The following SPMIP4 variants were observed in gnomAD, a reference collection of about 807,000 sequenced individuals.
The protein encoded by SPMIP4 is sperm microtubule inner protein 4.
chr7:25,136,671 A>C, the SPMIP4 span: 4 of 1,614,060 alleles, frequency 2.5e-6, no homozygotes, highest in Non-Finnish European at 3.4e-6. The surrounding 1 kb of genome is among the most constrained non-coding windows in gnomAD (Gnocchi z 5.7). Context: ...TAGGAGTACA[A>C]TCTGGACAGG....
the SPMIP4 span, among the ~76,000 whole-genome samples, chr7:25,152,547 A>G: frequency 6.6e-6 from 1 of 152,188 alleles, no homozygotes; most frequent in Non-Finnish European, 1.5e-5. Flanking sequence ...TTTAGTGAAT[A>G]AAGAAATTGA....
At chr7:25,126,301 C>G in the SPMIP4 span, among the ~76,000 whole-genome samples, 2 of 152,258 alleles carry the variant, frequency 1.3e-5, no homozygotes, top group East Asian at 3.9e-4. Flanking sequence ...TCTCAGCCCC[C>G]CAAGTAGCTG....
At chr7:25,129,127 T>G in the SPMIP4 span, among the ~76,000 whole-genome samples, 2 of 152,362 alleles carry the variant, frequency 1.3e-5, no homozygotes, top group Admixed American at 6.5e-5. Flanking sequence ...AAGCATTCCC[T>G]TGGCCTCCCT....
At chr7:25,171,059 G>A in the SPMIP4 span, among the ~76,000 whole-genome samples, 1 of 152,156 alleles carries the variant, frequency 6.6e-6, no homozygotes, top group African/African-American at 2.4e-5. Context: ...GTTTTAAGAA[G>A]CCCTCCAGGT....
the SPMIP4 span, chr7:25,136,129 G>A: frequency 6.2e-7 from 1 of 1,614,164 alleles, no homozygotes; most frequent in Non-Finnish European, 8.5e-7. This position sits in a 1 kb window ranked among gnomAD's most constrained non-coding sequence, Gnocchi z 5.7. Context: ...CAGCAGGTTG[G>A]TCTGAGGTTT....
chr7:25,136,353 A>G, the SPMIP4 span: 2 of 1,614,104 alleles, frequency 1.2e-6, no homozygotes, highest in Non-Finnish European at 1.7e-6. The surrounding 1 kb of genome is among the most constrained non-coding windows in gnomAD (Gnocchi z 5.7). Flanking sequence ...TAAGATTTTC[A>G]TAGTGAATCC....
the SPMIP4 span, chr7:25,135,981 GAAAT>G: frequency 6.3e-7 from 1 of 1,590,696 alleles, no homozygotes; most frequent in Non-Finnish European, 8.5e-7. Context: ...CTCAATTATA[GAAAT>G]AATAGGAATT....
At chr7:25,156,266 C>G in the SPMIP4 span, among the ~76,000 whole-genome samples, 1 of 152,122 alleles carries the variant, frequency 6.6e-6, no homozygotes, top group Non-Finnish European at 1.5e-5. Context: ...AGGCACGGGA[C>G]AGAGTCTCTA....
chr7:25,134,336 A>T, the SPMIP4 span, among the ~76,000 whole-genome samples: 1 of 6,902 alleles, frequency 1.4e-4, no homozygotes, highest in Non-Finnish European at 3.8e-4. Context: ...CATTTTGTAA[A>T]AAAAAAAAAA....
chr7:25,166,455 C>T, the SPMIP4 span, among the ~76,000 whole-genome samples: 8 of 152,032 alleles, frequency 5.3e-5, no homozygotes, highest in South Asian at 2.1e-4. Flanking sequence ...GGCGTGGTGG[C>T]GGACGCCTGT....
the SPMIP4 span, chr7:25,168,556 T>G: frequency 1.9e-6 from 2 of 1,070,074 alleles, no homozygotes; most frequent in Non-Finnish European, 2.7e-6. Context: ...TACCACTTCA[T>G]AAGTATTTTC....
chr7:25,165,973 G>A, the SPMIP4 span, among the ~76,000 whole-genome samples: 1 of 152,074 alleles, frequency 6.6e-6, no homozygotes, highest in Admixed American at 6.5e-5. Context: ...TGTGCCCTAA[G>A]TTCTGCCAAT....
At chr7:25,155,232 A>T in the SPMIP4 span, 1 of 1,486,422 alleles carries the variant, frequency 6.7e-7, no homozygotes, top group South Asian at 1.4e-5. Context: ...TGAAAAGAAC[A>T]GAAAGAAGTA....
chr7:25,178,139 C>A, the SPMIP4 span, among the ~76,000 whole-genome samples: 1 of 152,222 alleles, frequency 6.6e-6, no homozygotes, highest in South Asian at 2.1e-4. Context: ...AGGACATGAT[C>A]TCGTTTTTTT....
chr7:25,177,296 C>A, the SPMIP4 span, among the ~76,000 whole-genome samples: 54,956 of 151,888 alleles, frequency 0.36, 12,249 homozygotes, highest in Non-Finnish European at 0.5. Context: ...TCCTGGCCAA[C>A]ATAGTGAAAC....
the SPMIP4 span, among the ~76,000 whole-genome samples, chr7:25,140,668 C>A: frequency 6.6e-6 from 1 of 151,698 alleles, no homozygotes; most frequent in Non-Finnish European, 1.5e-5. Flanking sequence ...CTGCAACCTC[C>A]GCCCCATCCC....
At chr7:25,155,268 A>C in the SPMIP4 span, 2 of 1,326,032 alleles carry the variant, frequency 1.5e-6, no homozygotes, top group African/African-American at 3.0e-5. Context: ...ATCATCAAAA[A>C]TTTATTGGGA....
chr7:25,161,317 G>T, the SPMIP4 span: 3 of 935,144 alleles, frequency 3.2e-6, no homozygotes, highest in Admixed American at 2.7e-5. Context: ...CAATATAATG[G>T]TGAGATAGTA....
At chr7:25,129,030 T>C in the SPMIP4 span, among the ~76,000 whole-genome samples, 1 of 152,202 alleles carries the variant, frequency 6.6e-6, no homozygotes, top group Non-Finnish European at 1.5e-5. Context: ...TCTTCTTTAC[T>C]CTCCCCTCTC....
Sources: allele counts gnomAD v4.1 joint callset (sites outside exome capture counted in the v4.1 genomes callset), GRCh38; gene constraint gnomAD v4.1.1; non-coding constraint Gnocchi (gnomAD v3.1); transcripts MANE v1.5; gene names NCBI Gene and HGNC (gene_info 2026-07-23, HGNC 2026-07-21).